PAPSS1: variants seen among roughly 807,000 people sequenced by gnomAD.
PAPSS1 encodes 3'-phosphoadenosine 5'-phosphosulfate synthase 1, also known as bifunctional 3'-phosphoadenosine 5'-phosphosulfate synthase 1.
A neutral mutation model predicts 72.0 loss-of-function variants in PAPSS1; 50 were observed. That is an observed-to-expected ratio of 0.69 (90% confidence interval 0.55 to 0.88). PAPSS1 has a LOEUF of 0.88. PAPSS1 is among the 40% of genes least tolerant of loss of function. The pLI is 0.00. For missense variants in PAPSS1, 657 were observed against 782.2 expected, an observed-to-expected ratio of 0.84 and a Z score of 1.91; for synonymous variants, 261 against 263.6, an observed-to-expected ratio of 0.99 and a Z score of 0.09.
rs759982378 is a variant in PAPSS1 at position 107,614,129 on chromosome 4, A to C, written c.*120T>G. On this transcript the variant is annotated 3_prime_UTR_variant, in exon 12 of 12. Coordinates refer to ENST00000265174, the MANE Select transcript of PAPSS1 (RefSeq NM_005443.5). ...GACCAAAACTGATGCAAGTTAAGGA[A>C]AATGGTCTGTTTTTAGGAAGCATGT... 3.9e-5 allele frequency: 40 copies of C among 1,019,192 alleles called. No homozygotes were observed. Among genetic ancestry groups the C allele is most frequent in the Non-Finnish European group, 5.7e-5 (40 of 700,778 alleles). 63.1% of individuals were successfully genotyped at this position (1,019,192 alleles called of 1,614,324 possible).
intron 1 of PAPSS1, among the ~76,000 whole-genome samples, chr4:107,718,165 G>C (rs1416889288): frequency 6.6e-6 from 1 of 152,170 alleles, no homozygotes; most frequent in Admixed American, 6.5e-5. Context: ...TGCCTATTAA[G>C]ATGATTTAAA....
At chr4:107,619,731 G>A (rs2110295254) in intron 11 of PAPSS1, among the ~76,000 whole-genome samples, 1 of 152,262 alleles carries the variant, frequency 6.6e-6, no homozygotes, top group South Asian at 2.1e-4. Flanking sequence ...CACTACATTA[G>A]TTAACCAATC....
chr4:107,627,176 C>T (rs1726120886), intron 11 of PAPSS1, among the ~76,000 whole-genome samples: 1 of 152,130 alleles, frequency 6.6e-6, no homozygotes, highest in African/African-American at 2.4e-5. Context: ...AAAGAGACCA[C>T]AGTAATGAAA....
chr4:107,647,684 C>T (rs545349036), intron 9 of PAPSS1, among the ~76,000 whole-genome samples: 26 of 152,194 alleles, frequency 1.7e-4, no homozygotes, highest in Non-Finnish European at 3.7e-4. Context: ...TTGTTGCATA[C>T]ATTTTTACAC....
At chr4:107,718,491 A>G (rs555909967) in intron 1 of PAPSS1, 1 of 152,344 alleles carries the variant, frequency 6.6e-6, no homozygotes, top group Admixed American at 6.5e-5. Context: ...AACCCTCCCA[A>G]AACGCCCAGG....
At chr4:107,649,713 C>G (rs1417036107) in intron 9 of PAPSS1, among the ~76,000 whole-genome samples, 2 of 152,246 alleles carry the variant, frequency 1.3e-5, no homozygotes, top group Non-Finnish European at 2.9e-5. Context: ...CACTTACACA[C>G]TTAAAATGTA....
chr4:107,696,445 C>T (rs775364439), intron 2 of PAPSS1, among the ~76,000 whole-genome samples: 1 of 152,074 alleles, frequency 6.6e-6, no homozygotes, highest in South Asian at 2.1e-4. Context: ...GAGCTGGAAG[C>T]CATCATCCTC....
rs147293206 is a variant in PAPSS1 at position 107,636,853 on chromosome 4, T to C, written c.1507-4993A>G. On this transcript the variant is annotated intron_variant, in intron 10 of 11. Transcript: ENST00000265174. ...AACTGTAATTAAAATAAACAGATTATTTGTTTCAAAATTTCCTTCCCAAAG... is the reference window on the plus strand; with the variant it reads ...AACTGTAATTAAAATAAACAGATTACTTGTTTCAAAATTTCCTTCCCAAAG... Among the ~76,000 whole-genome samples the C allele has an allele frequency of 6.0e-3, 920 of 152,334 alleles. 9 individuals are homozygous for C. Among genetic ancestry groups the C allele is most frequent in the African/African-American group, 0.02 (813 of 41,590 alleles).
chr4:107,625,469 C>A (rs1029611210), intron 11 of PAPSS1, among the ~76,000 whole-genome samples: 1 of 152,088 alleles, frequency 6.6e-6, no homozygotes, highest in Non-Finnish European at 1.5e-5. Context: ...CCAAAAGTGG[C>A]CTCTAGGAGC....
chr4:107,669,201 T>G (rs1208814346), intron 5 of PAPSS1, among the ~76,000 whole-genome samples: 2 of 152,182 alleles, frequency 1.3e-5, no homozygotes, highest in Non-Finnish European at 1.5e-5. Flanking sequence ...GCAAGTCACT[T>G]TGCAATGAAG....
chr4:107,665,864 G>A (rs1383767189), intron 5 of PAPSS1, among the ~76,000 whole-genome samples: 1 of 152,086 alleles, frequency 6.6e-6, no homozygotes, highest in Non-Finnish European at 1.5e-5. Context: ...AACAACATGC[G>A]CTACATGAAA....
chr4:107,698,558 T>C (rs867304197), intron 2 of PAPSS1, among the ~76,000 whole-genome samples: 1 of 152,116 alleles, frequency 6.6e-6, no homozygotes, highest in Admixed American at 6.5e-5. Context: ...ACTGCCTCCA[T>C]GAATGGGGAG....
chr4:107,654,254 A>G (rs552383607), intron 8 of PAPSS1, among the ~76,000 whole-genome samples: 1 of 152,316 alleles, frequency 6.6e-6, no homozygotes, highest in Admixed American at 6.5e-5. Context: ...CATTCCACAT[A>G]CAACATATAT....
chr4:107,623,310 T>G (rs1726016414), intron 11 of PAPSS1, among the ~76,000 whole-genome samples: 1 of 152,186 alleles, frequency 6.6e-6, no homozygotes, highest in African/African-American at 2.4e-5. Context: ...GGTGCTTTGT[T>G]GCCTTGTATC....
chr4:107,676,382 C>T (rs1405446265), intron 5 of PAPSS1, among the ~76,000 whole-genome samples: 2 of 152,174 alleles, frequency 1.3e-5, no homozygotes, highest in African/African-American at 4.8e-5. Flanking sequence ...CATTCTTATA[C>T]ACCAATAACA....
chr4:107,682,591 T>C (rs1390917398), intron 4 of PAPSS1, among the ~76,000 whole-genome samples: 2 of 152,202 alleles, frequency 1.3e-5, no homozygotes, highest in African/African-American at 2.4e-5. Context: ...TAAGAATCAA[T>C]TCTACTACTT....
chr4:107,654,579 C>T, intron 8 of PAPSS1, 116 bp downstream of exon 8: 1 of 823,900 alleles, frequency 1.2e-6, no homozygotes, highest in East Asian at 2.4e-5. Flanking sequence ...GGTCCAATCT[C>T]TACTATGCAA....
In PAPSS1 at chr4:107,702,219, T is replaced by C. The variant is rs78635563; in HGVS notation, c.61-934A>G. On this transcript the variant is annotated intron_variant, in intron 1 of 11. Transcript: ENST00000265174. ...GGATATGGAAATATTGGAATCCTCA[T>C]ATATTTGTTGTTGCGAAAATAGTAG... is the stretch of plus-strand genomic sequence containing the variant. 3.0e-3 allele frequency among the ~76,000 whole-genome samples: 452 copies of C among 152,298 alleles called. 3 individuals carry two copies. The highest frequency in any genetic ancestry group is 0.01 in the African/African-American group (416 of 41,564).
chr4:107,719,867 G>A, intron 1 of PAPSS1: 1 of 1,350,266 alleles, frequency 7.4e-7, no homozygotes, highest in Non-Finnish European at 9.5e-7. Context: ...TGGGGAGGGG[G>A]GGCGTTCTTC....
Sources: allele counts gnomAD v4.1 joint callset (sites outside exome capture counted in the v4.1 genomes callset), GRCh38; gene constraint gnomAD v4.1.1; transcripts MANE v1.5; gene names NCBI Gene and HGNC (gene_info 2026-07-23, HGNC 2026-07-21).